The following ZFHX3 variants were observed in gnomAD, a reference collection of about 807,000 sequenced individuals.
ZFHX3 encodes zinc finger homeobox protein 3.
In ZFHX3, 42 loss-of-function variants were observed where a neutral mutation model predicts 279.1. That is an observed-to-expected ratio of 0.15 (90% CI 0.12 to 0.19). The LOEUF (loss-of-function observed/expected upper bound fraction) is 0.19. Among genes scored for constraint, ZFHX3 ranks in the 10% least tolerant of loss-of-function variants. The probability of loss-of-function intolerance (pLI) is 1.00; values close to 1 mark genes in which losing one functional copy is unlikely to be tolerated. For missense variants in ZFHX3, 4,981 were observed against 4,754.0 expected (o/e 1.05, Z -1.40); for synonymous variants, 2,293 against 1,957.8 (o/e 1.17, Z -4.52).
intron 5 of ZFHX3, among the ~76,000 whole-genome samples, chr16:73,159,501 T>TG (rs1221198832): frequency 1.3e-5 from 2 of 152,090 alleles, no homozygotes; most frequent in Non-Finnish European, 2.9e-5. Context: ...TGAAGAAGCT[T>TG]GGGGTTGCCT....
chr16:73,512,591 G>A (rs1411761213), intron 2 of ZFHX3, among the ~76,000 whole-genome samples: 2 of 152,124 alleles, frequency 1.3e-5, no homozygotes, highest in African/African-American at 2.4e-5. Context: ...GAGGCAGATG[G>A]GCAAAGAATT....
chr16:73,682,638 T>A (rs565281385), intron 1 of ZFHX3, among the ~76,000 whole-genome samples: 1 of 151,604 alleles, frequency 6.6e-6, no homozygotes, highest in African/African-American at 2.4e-5. Context: ...ATACAAAAAA[T>A]GAGCCGGTCA....
intron 4 of ZFHX3, among the ~76,000 whole-genome samples, chr16:72,859,087 C>A (rs1000681425): frequency 1.3e-5 from 2 of 152,222 alleles, no homozygotes; most frequent in African/African-American, 4.8e-5. Flanking sequence ...GCCCTCCCCA[C>A]GTTGATTGGA....
intron 6 of ZFHX3, among the ~76,000 whole-genome samples, chr16:73,140,173 T>A (rs1692068054): frequency 6.6e-6 from 1 of 151,694 alleles, no homozygotes; most frequent in African/African-American, 2.4e-5. Flanking sequence ...GAGGCCGAGT[T>A]GGGAAGGATT....
At chr16:73,402,329 C>A (rs1051629906) in intron 3 of ZFHX3, 2 of 152,188 alleles carry the variant, frequency 1.3e-5, no homozygotes, top group African/African-American at 2.4e-5. Context: ...TGATAGAGAA[C>A]CTTGCTTCTC....
chr16:72,969,144 T>C (rs1567611607), intron 1 of ZFHX3, among the ~76,000 whole-genome samples: 1 of 152,124 alleles, frequency 6.6e-6, no homozygotes, highest in Admixed American at 6.5e-5. Context: ...CCCAAAACTA[T>C]AAACGAAGAG....
chr16:73,756,077 G>T (rs116508497), intron 1 of ZFHX3, among the ~76,000 whole-genome samples: 1 of 152,112 alleles, frequency 6.6e-6, no homozygotes, highest in African/African-American at 2.4e-5. Flanking sequence ...ACTTTCTTTT[G>T]TAAGAGTCTG....
At chr16:73,545,147 C>G (rs999049710) in intron 2 of ZFHX3, among the ~76,000 whole-genome samples, 1 of 150,752 alleles carries the variant, frequency 6.6e-6, no homozygotes, top group Admixed American at 6.8e-5. Context: ...AGTCACTTCC[C>G]CCCGACCCCC....
At chr16:72,954,370 C>CA (rs1478099833) in intron 2 of ZFHX3, among the ~76,000 whole-genome samples, 1 of 151,738 alleles carries the variant, frequency 6.6e-6, no homozygotes, top group East Asian at 1.9e-4. Context: ...AACTCCATCT[C>CA]AAAAAAAAGA....
At chr16:73,270,096 T>C (rs534936488) in intron 4 of ZFHX3, among the ~76,000 whole-genome samples, 1 of 152,304 alleles carries the variant, frequency 6.6e-6, no homozygotes, top group African/African-American at 2.4e-5. Flanking sequence ...ATATGCAAAC[T>C]AAAATTGTTC....
chr16:72,820,729 T>C (rs561809035), intron 5 of ZFHX3, among the ~76,000 whole-genome samples: 7 of 152,276 alleles, frequency 4.6e-5, no homozygotes, highest in Admixed American at 3.3e-4. Context: ...AGGGACACAC[T>C]AGGGGGTCTG....
chr16:73,423,135 T>C (rs1031747426), intron 3 of ZFHX3, among the ~76,000 whole-genome samples: 4 of 152,120 alleles, frequency 2.6e-5, no homozygotes, highest in African/African-American at 9.7e-5. Flanking sequence ...CATTCTGAGA[T>C]ACTGAGGGTT....
intron 1 of ZFHX3, among the ~76,000 whole-genome samples, chr16:73,055,918 C>A (rs1345779179): frequency 6.6e-6 from 1 of 151,996 alleles, no homozygotes; most frequent in Non-Finnish European, 1.5e-5. Flanking sequence ...TTTAAAAAGT[C>A]CACAGATCTG....
At chr16:73,860,984 A>T (rs1192119569) in intron 1 of ZFHX3, among the ~76,000 whole-genome samples, 3 of 140,666 alleles carry the variant, frequency 2.1e-5, no homozygotes, top group African/African-American at 7.8e-5. Context: ...TTTTTTGCAG[A>T]TTTTTTTTTT....
At chr16:72,937,408 G>A (rs1003507209) in intron 3 of ZFHX3, among the ~76,000 whole-genome samples, 2 of 152,306 alleles carry the variant, frequency 1.3e-5, no homozygotes, top group Admixed American at 6.5e-5. Flanking sequence ...AAGGTCCGGC[G>A]AATTAGGACA....
At chr16:73,068,796 A>G (rs1965788530) in intron 8 of ZFHX3, among the ~76,000 whole-genome samples, 1 of 152,106 alleles carries the variant, frequency 6.6e-6, no homozygotes, top group Non-Finnish European at 1.5e-5. Context: ...CCCCTTGGGA[A>G]CTCCTGGTCA....
At chr16:72,901,696 G>A (rs1204401904) in intron 3 of ZFHX3, among the ~76,000 whole-genome samples, 5 of 152,166 alleles carry the variant, frequency 3.3e-5, no homozygotes, top group Non-Finnish European at 5.9e-5. Context: ...GGGAAGCAAG[G>A]GACCAACAGT....
chr16:73,654,002 G>T (rs1387711604), intron 2 of ZFHX3, among the ~76,000 whole-genome samples: 7 of 151,946 alleles, frequency 4.6e-5, no homozygotes, highest in Non-Finnish European at 7.4e-5. Flanking sequence ...GGCCAACATG[G>T]TGAAACCCCG....
At chr16:73,038,473 A>T (rs1202751175) in intron 1 of ZFHX3, among the ~76,000 whole-genome samples, 2 of 152,226 alleles carry the variant, frequency 1.3e-5, no homozygotes, top group Admixed American at 6.5e-5. Context: ...GAATCATCTG[A>T]GAACTAAGCC....
Sources: allele counts gnomAD v4.1 joint callset (sites outside exome capture counted in the v4.1 genomes callset), GRCh38; gene constraint gnomAD v4.1.1; transcripts MANE v1.5; gene names NCBI Gene and HGNC (gene_info 2026-07-23, HGNC 2026-07-21).